Variants in FLI1 observed in about 807,000 individuals in gnomAD.
FLI1 encodes the protein Fli-1 proto-oncogene, ETS transcription factor, also known as Friend leukemia integration 1 transcription factor.
A neutral mutation model predicts 53.1 loss-of-function variants in FLI1; 13 were observed. The observed-to-expected ratio is 0.24, with a 90% CI of 0.16 to 0.39. The LOEUF (loss-of-function observed/expected upper bound fraction) is 0.39. Among genes scored for constraint, FLI1 ranks in the 10% least tolerant of loss-of-function variants. The probability of loss-of-function intolerance (pLI) is 1.00; values close to 1 mark genes in which losing one functional copy is unlikely to be tolerated. For synonymous variants in FLI1, 244 were observed against 236.7 expected (o/e 1.03, Z -0.28); for missense variants, 424 against 600.5 (o/e 0.71, Z 3.07).
At chr11:128,794,080 C>T (rs930605092) in intron 5 of FLI1, among the ~76,000 whole-genome samples, 1 of 152,196 alleles carries the variant, frequency 6.6e-6, no homozygotes, top group Non-Finnish European at 1.5e-5. Context: ...TATTTTAGGC[C>T]TGCCATCTCT....
intron 1 of FLI1, among the ~76,000 whole-genome samples, chr11:128,722,171 G>A (rs985672405): frequency 2.0e-5 from 3 of 152,174 alleles, no homozygotes; most frequent in Admixed American, 6.5e-5. Context: ...ACCCCCTGAC[G>A]TGACTTAACC....
chr11:128,740,229 T>C (rs1940075348), intron 1 of FLI1, among the ~76,000 whole-genome samples: 1 of 152,196 alleles, frequency 6.6e-6, no homozygotes, highest in East Asian at 1.9e-4. Flanking sequence ...ATCTCCAACC[T>C]GAAAGGTGCA....
At chr11:128,712,114 A>G (rs1324468950) in intron 1 of FLI1, among the ~76,000 whole-genome samples, 1 of 152,164 alleles carries the variant, frequency 6.6e-6, no homozygotes, top group Non-Finnish European at 1.5e-5. Flanking sequence ...CATGGGGGGC[A>G]GATCCCTGGT....
chr11:128,731,986 G>A (rs1412507107), intron 1 of FLI1, among the ~76,000 whole-genome samples: 3 of 145,072 alleles, frequency 2.1e-5, no homozygotes, highest in African/African-American at 7.8e-5. Context: ...CTGGTGGACA[G>A]AGCGAGACTC....
chr11:128,715,651 A>G (rs1273815836), intron 1 of FLI1, among the ~76,000 whole-genome samples: 2 of 152,226 alleles, frequency 1.3e-5, no homozygotes, highest in Non-Finnish European at 2.9e-5. Flanking sequence ...AATGGAAACA[A>G]TAGGCTTTGC....
At chr11:128,808,998 A>T (rs1389743733) in intron 7 of FLI1, among the ~76,000 whole-genome samples, 159 bp from the exon 8 acceptor site, 2 of 152,222 alleles carry the variant, frequency 1.3e-5, no homozygotes, top group Admixed American at 6.5e-5. Context: ...TGTCATCAAG[A>T]TCTTTGAGAT....
At chr11:128,747,449 G>A (rs371524115) in intron 1 of FLI1, among the ~76,000 whole-genome samples, 1 of 152,204 alleles carries the variant, frequency 6.6e-6, no homozygotes, top group African/African-American at 2.4e-5. Flanking sequence ...GGGTTTTGTC[G>A]TGGTGGTTGC....
chr11:128,763,095 A>G, intron 2 of FLI1, among the ~76,000 whole-genome samples: 1 of 151,868 alleles, frequency 6.6e-6, no homozygotes, highest in Non-Finnish European at 1.5e-5. Flanking sequence ...TGGGCTTCTG[A>G]GTTATGTCTT....
At chr11:128,798,291 C>T (rs1170287294) in intron 5 of FLI1, among the ~76,000 whole-genome samples, 1 of 152,082 alleles carries the variant, frequency 6.6e-6, no homozygotes, top group East Asian at 1.9e-4. Flanking sequence ...CTCAAAAATC[C>T]CACTTTGAGG....
intron 1 of FLI1, among the ~76,000 whole-genome samples, chr11:128,716,752 G>A (rs1368235073): frequency 6.6e-6 from 1 of 152,194 alleles, no homozygotes; most frequent in Non-Finnish European, 1.5e-5. Context: ...CCTGGCCACA[G>A]GGCTCTGCAT....
At chr11:128,685,780 T>C (rs888159372), upstream of FLI1, among the ~76,000 whole-genome samples, 1 of 147,788 alleles carries the variant, frequency 6.8e-6, no homozygotes, top group Non-Finnish European at 1.5e-5. Flanking sequence ...CAGAAACACA[T>C]TGGCTGCCAG....
At chr11:128,775,823 A>G (rs569641354) in intron 4 of FLI1, among the ~76,000 whole-genome samples, 11 of 152,148 alleles carry the variant, frequency 7.2e-5, no homozygotes, top group African/African-American at 2.4e-4. Flanking sequence ...AGATATTTCC[A>G]CTTTAGCAAG....
chr11:128,784,398 C>T (rs961434901), intron 5 of FLI1, among the ~76,000 whole-genome samples: 2 of 152,178 alleles, frequency 1.3e-5, no homozygotes, highest in African/African-American at 4.8e-5. Context: ...GCAGCTCCCT[C>T]TTGCTGGGTA....
intron 1 of FLI1, 109 bp downstream of exon 1, chr11:128,694,385 C>G (rs771580215): frequency 1.2e-6 from 1 of 864,728 alleles, no homozygotes; most frequent in Non-Finnish European, 1.6e-6. Flanking sequence ...TCTCTCCCTT[C>G]CCTCCGCGCC....
chr11:128,687,925 T>C (rs1384567373), intron 1 of FLI1, among the ~76,000 whole-genome samples: 1 of 152,098 alleles, frequency 6.6e-6, no homozygotes, highest in African/African-American at 2.4e-5. Flanking sequence ...AACCAGTGAA[T>C]GGATGGATAG....
At chr11:128,706,327 C>T (rs1435861556) in intron 1 of FLI1, among the ~76,000 whole-genome samples, 1 of 152,192 alleles carries the variant, frequency 6.6e-6, no homozygotes, top group Admixed American at 6.5e-5. Flanking sequence ...TGGAGTGTCT[C>T]CCACATCACT....
chr11:128,774,201 C>A (rs1941664556), intron 4 of FLI1, among the ~76,000 whole-genome samples: 2 of 152,124 alleles, frequency 1.3e-5, no homozygotes, highest in African/African-American at 4.8e-5. Flanking sequence ...AATGAAAAAT[C>A]AAAAAACTGG....
chr11:128,784,226 C>CCTA (rs1942014518), intron 5 of FLI1, among the ~76,000 whole-genome samples: 4 of 33,926 alleles, frequency 1.2e-4, no homozygotes, highest in Admixed American at 3.7e-4. Flanking sequence ...ACCATCTCCT[C>CCTA]CTCCTCCTCC....
In FLI1 at chr11:128,786,446, A is replaced by C. The variant is rs560300859; in HGVS notation, c.655+4423A>C. ...AACTGTACGTTCGTACATCTCAGAA[A>C]TTTCTTTCTGACGTGTCCTCATTCA... is the stretch of plus-strand genomic sequence containing the variant. On this transcript the variant is annotated intron_variant, in intron 5 of 8. Coordinates refer to ENST00000527786, the MANE Select transcript of FLI1 (RefSeq NM_002017.5). Among the ~76,000 whole-genome samples the C allele has an allele frequency of 3.9e-5, 6 of 152,304 alleles. No homozygotes were observed. The East Asian group carries it at 1.2e-3, about 29-fold the overall frequency.
Sources: allele counts gnomAD v4.1 joint callset (sites outside exome capture counted in the v4.1 genomes callset), GRCh38; gene constraint gnomAD v4.1.1; transcripts MANE v1.5; gene names NCBI Gene and HGNC (gene_info 2026-07-23, HGNC 2026-07-21).